NRXN1: variants seen among roughly 807,000 people sequenced by gnomAD.
NRXN1 encodes the protein neurexin-1.
A neutral mutation model predicts 150.9 loss-of-function variants in NRXN1; 39 were observed. The observed-to-expected ratio is 0.26, with a 90% CI of 0.20 to 0.34. The LOEUF (loss-of-function observed/expected upper bound fraction) is 0.34, where lower values mean the gene tolerates loss of function less well. Among genes scored for constraint, NRXN1 ranks in the 10% least tolerant of loss-of-function variants. The probability of loss-of-function intolerance (pLI) is 1.00; values close to 1 mark genes in which losing one functional copy is unlikely to be tolerated. For missense variants in NRXN1, 1,815 were observed against 1,949.9 expected, an observed-to-expected ratio of 0.93 and a Z score of 1.30; for synonymous variants, 924 against 757.0, an observed-to-expected ratio of 1.22 and a Z score of -3.62.
chr2:50,752,707 A>AG (rs201335570), intron 5 of NRXN1, among the ~76,000 whole-genome samples: 1 of 126,902 alleles, frequency 7.9e-6, no homozygotes, highest in Non-Finnish European at 1.6e-5. Context: ...GATAAAAGTG[A>AG]AAAAAAAAAA....
chr2:50,842,853 T>C (rs557644963), intron 5 of NRXN1, among the ~76,000 whole-genome samples: 2 of 152,192 alleles, frequency 1.3e-5, no homozygotes, highest in Non-Finnish European at 1.5e-5. Flanking sequence ...CATTTTATCC[T>C]GGCTAGAAAA....
rs147515873 is a variant in NRXN1 at position 50,562,161 on chromosome 2, T to C, written c.1321-9136A>G. Among the ~76,000 whole-genome samples, 707 of 152,304 alleles carry C rather than the reference T, an allele frequency of 4.6e-3. 3 individuals carry two copies. Among genetic ancestry groups the C allele is most frequent in the African/African-American group, 0.016 (651 of 41,576 alleles). ...TAAATGATGTGTCTAGATTAATCAA[T>C]GCATCTTCTTTTGTGTCTCCAGCCT... is the stretch of plus-strand genomic sequence containing the variant. On this transcript the variant is annotated intron_variant, in intron 8 of 22. Transcript: ENST00000401669.
intron 5 of NRXN1, among the ~76,000 whole-genome samples, chr2:50,669,831 G>GAAATAA (rs1187852521): frequency 6.7e-6 from 1 of 149,052 alleles, no homozygotes; most frequent in South Asian, 2.1e-4. Context: ...AATAAAAATA[G>GAAATAA]AAATAAAAAT....
intron 16 of NRXN1, among the ~76,000 whole-genome samples, chr2:50,471,227 G>C (rs1319999681): frequency 6.6e-6 from 1 of 151,582 alleles, no homozygotes; most frequent in Admixed American, 6.6e-5. Flanking sequence ...GTACCCAATA[G>C]GTGTTTTTTC....
At chr2:49,952,275 A>C (rs1422909384) in intron 21 of NRXN1, among the ~76,000 whole-genome samples, 1 of 152,072 alleles carries the variant, frequency 6.6e-6, no homozygotes, top group African/African-American at 2.4e-5. Context: ...ATAAGTGAAA[A>C]GGTTGCAAAG....
intron 21 of NRXN1, among the ~76,000 whole-genome samples, chr2:50,017,136 C>T (rs565448817): frequency 6.6e-6 from 1 of 152,234 alleles, no homozygotes; most frequent in African/African-American, 2.4e-5. Context: ...AACTTTTAGG[C>T]CTGCTGTACA....
chr2:50,846,608 A>G (rs1414927768), intron 5 of NRXN1, among the ~76,000 whole-genome samples: 1 of 152,218 alleles, frequency 6.6e-6, no homozygotes, highest in Non-Finnish European at 1.5e-5. Context: ...AGCATAGACC[A>G]ACAAAAACAG....
intron 21 of NRXN1, among the ~76,000 whole-genome samples, chr2:50,052,747 T>A (rs1048310562): frequency 6.6e-6 from 1 of 152,158 alleles, no homozygotes; most frequent in Non-Finnish European, 1.5e-5. Context: ...TTTTTATTTT[T>A]AAATAAATAG....
chr2:49,924,920 TAATA>T (rs1668826670), intron 22 of NRXN1, among the ~76,000 whole-genome samples: 1 of 152,176 alleles, frequency 6.6e-6, no homozygotes, highest in Non-Finnish European at 1.5e-5. Flanking sequence ...ACTGATTAAT[TAATA>T]TTCTTTTTCT....
chr2:50,818,264 T>C lies in NRXN1; in HGVS notation c.832+103605A>G, dbSNP rs188286269. Among the ~76,000 whole-genome samples, 9 of 151,912 alleles carry C rather than the reference T, an allele frequency of 5.9e-5. No homozygotes were observed. In the East Asian group the frequency reaches 1.7e-3, roughly 29 times the overall value. On this transcript the variant is annotated intron_variant, in intron 5 of 22. Coordinates refer to ENST00000401669, the MANE Select transcript of NRXN1 (RefSeq NM_001330078.2). ...ATTGCATTGAATCTGCTGATTGCTT[T>C]AGATAGTTTGGACATCTTAACAATA...
At chr2:50,516,200 C>T (rs1249432245) in intron 12 of NRXN1, among the ~76,000 whole-genome samples, 2 of 152,146 alleles carry the variant, frequency 1.3e-5, no homozygotes, top group African/African-American at 4.8e-5. Flanking sequence ...GGATGAGCCA[C>T]ATAATTTGAG....
chr2:50,476,651 A>C (rs555027983), intron 15 of NRXN1, among the ~76,000 whole-genome samples: 9 of 152,250 alleles, frequency 5.9e-5, no homozygotes, highest in Admixed American at 1.3e-4. Context: ...AGTATAGTTT[A>C]TCTCCTGTTT....
At chr2:50,425,885 A>T (rs1165915713) in intron 17 of NRXN1, among the ~76,000 whole-genome samples, 1 of 152,074 alleles carries the variant, frequency 6.6e-6, no homozygotes, top group Non-Finnish European at 1.5e-5. Context: ...ACGTCACTTC[A>T]CCGGTATTCT....
rs116403046 is a variant in NRXN1 at position 50,519,037 on chromosome 2, G to T, written c.2374+9588C>A. On this transcript the variant is annotated intron_variant, in intron 12 of 22. Transcript: ENST00000401669. Reference sequence around the variant, plus strand: ...TATTGTCAACTTTATGGACCTATTTGCTTAAAGAAAACAAATTCTAAGAAA... The same window carrying T: ...TATTGTCAACTTTATGGACCTATTTTCTTAAAGAAAACAAATTCTAAGAAA... Among the ~76,000 whole-genome samples the T allele has an allele frequency of 6.7e-3, 1,021 of 151,758 alleles. 5 individuals are homozygous for T. The highest frequency in any genetic ancestry group is 0.024 in the African/African-American group (990 of 41,476).
At chr2:50,942,738 G>C (rs949837894) in intron 2 of NRXN1, among the ~76,000 whole-genome samples, 1 of 152,110 alleles carries the variant, frequency 6.6e-6, no homozygotes, top group Admixed American at 6.6e-5. Context: ...ACATGTTTTT[G>C]ATTTTACAGG....
rs955313891 is a variant in NRXN1, at chr2:50,376,499, G to T, written c.3364+88943C>A. Among the ~76,000 whole-genome samples, 6 of 152,176 alleles carry T rather than the reference G, an allele frequency of 3.9e-5. No individual in the cohort carries two copies. In the East Asian group the frequency reaches 1.2e-3, roughly 29 times the overall value. On this transcript the variant is annotated intron_variant, in intron 17 of 22. Transcript: ENST00000401669. ...ACATTGAGAAATTGTGGGTGTACTGGGTTTTGATGCTGTACTTTTTGTAAC... is the reference window on the plus strand; with the variant it reads ...ACATTGAGAAATTGTGGGTGTACTGTGTTTTGATGCTGTACTTTTTGTAAC...
chr2:49,950,351 G>A (rs1268639557), intron 21 of NRXN1, among the ~76,000 whole-genome samples: 1 of 151,714 alleles, frequency 6.6e-6, no homozygotes, highest in Non-Finnish European at 1.5e-5. Flanking sequence ...TCAATTTCAT[G>A]GCTCACTATT....
chr2:50,106,476 A>C (rs901351493), intron 18 of NRXN1, among the ~76,000 whole-genome samples: 4 of 152,050 alleles, frequency 2.6e-5, no homozygotes, highest in Non-Finnish European at 5.9e-5. Flanking sequence ...CACTGCAATT[A>C]GCAATTAACA....
intron 22 of NRXN1, among the ~76,000 whole-genome samples, chr2:49,938,370 T>C (rs1277745727): frequency 2.0e-5 from 3 of 152,182 alleles, no homozygotes; most frequent in African/African-American, 4.8e-5. Flanking sequence ...TACTAGTTAT[T>C]ATTGCTATTT....
Sources: gnomAD v4.1 joint callset for allele counts (sites outside exome capture counted in the v4.1 genomes callset) on GRCh38, gnomAD v4.1.1 for gene constraint, MANE v1.5 for transcripts, NCBI Gene and HGNC (gene_info 2026-07-23, HGNC 2026-07-21) for gene names.